TVP23A: variants seen among roughly 807,000 people sequenced by gnomAD.
TVP23A encodes the protein Golgi apparatus membrane protein TVP23 homolog A.
A neutral mutation model predicts 31.7 loss-of-function variants in TVP23A; 21 were observed. The observed-to-expected ratio is 0.66, with a 90% confidence interval of 0.47 to 0.95. The LOEUF (loss-of-function observed/expected upper bound fraction) is 0.95. TVP23A is among the 40% of genes least tolerant of loss of function. The pLI is 0.00. For synonymous variants in TVP23A, 104 were observed against 96.0 expected, an observed-to-expected ratio of 1.08 and a Z score of -0.49; for missense variants, 279 against 255.6, an observed-to-expected ratio of 1.09 and a Z score of -0.62.
chr16:10,761,891 C>G, downstream of TVP23A: 1 of 1,543,142 alleles, frequency 6.5e-7, no homozygotes, highest in Non-Finnish European at 8.9e-7. Flanking sequence ...CGGCACCTCA[C>G]TCCTCGGTCA....
At chr16:10,757,949 G>A (rs190932561), downstream of TVP23A, 70 of 1,614,094 alleles carry the variant, frequency 4.3e-5, no homozygotes, top group African/African-American at 3.5e-4. The surrounding 1 kb of genome is among the most constrained non-coding windows in gnomAD (Gnocchi z 4.1). Context: ...CACCTGGGAC[G>A]TCGGATGAAC....
At chr16:10,793,891 C>G (rs1412646111) in intron 2 of TVP23A, among the ~76,000 whole-genome samples, 1 of 120,754 alleles carries the variant, frequency 8.3e-6, no homozygotes. Flanking sequence ...AGAGTGAGAC[C>G]CTGTCTCACC....
In TVP23A at chr16:10,814,628, T is replaced by A. The variant is rs74007557; in HGVS notation, c.89+3475A>T. ...CACTGCCCTGAGCAAAATCCTTCCATGGTGACCGAACTCTGGAACTGCCCT... is the reference window on the plus strand; with the variant it reads ...CACTGCCCTGAGCAAAATCCTTCCAAGGTGACCGAACTCTGGAACTGCCCT... On this transcript the variant is annotated intron_variant, in intron 2 of 7. Transcript: ENST00000299866. Among the ~76,000 whole-genome samples, 1,204 of 151,328 alleles carry A rather than the reference T, an allele frequency of 8.0e-3. 21 individuals are homozygous for A. Among genetic ancestry groups the A allele is most frequent in the African/African-American group, 0.028 (1,157 of 40,612 alleles).
At chr16:10,804,878 T>C (rs1445051612) in intron 2 of TVP23A, among the ~76,000 whole-genome samples, 2 of 152,134 alleles carry the variant, frequency 1.3e-5, no homozygotes, top group Admixed American at 6.5e-5. Context: ...TTCATACTGT[T>C]GTCCCAAACA....
At chr16:10,764,012 C>T (rs1311601257), downstream of TVP23A, among the ~76,000 whole-genome samples, 1 of 151,976 alleles carries the variant, frequency 6.6e-6, no homozygotes, top group Non-Finnish European at 1.5e-5. Flanking sequence ...GCATCTCAGC[C>T]CACAGGAGTA....
intron 2 of TVP23A, among the ~76,000 whole-genome samples, chr16:10,795,780 A>T (rs2033355938): frequency 6.6e-6 from 1 of 152,120 alleles, no homozygotes; most frequent in South Asian, 2.1e-4. Context: ...CCGCCCTGTC[A>T]CAATCCCTGA....
At chr16:10,797,081 C>T (rs945645266) in intron 2 of TVP23A, among the ~76,000 whole-genome samples, 2 of 150,190 alleles carry the variant, frequency 1.3e-5, no homozygotes, top group Admixed American at 6.6e-5. Flanking sequence ...CTCAGCTACT[C>T]AGGAGGCTAA....
chr16:10,815,614 G>A (rs917538172), intron 2 of TVP23A, among the ~76,000 whole-genome samples: 16 of 152,222 alleles, frequency 1.1e-4, no homozygotes, highest in Admixed American at 2.0e-4. Flanking sequence ...AACATCCCAC[G>A]GTGCACAGGA....
downstream of TVP23A, among the ~76,000 whole-genome samples, chr16:10,759,925 C>T (rs570765191): frequency 3.3e-4 from 51 of 152,332 alleles, no homozygotes; most frequent in African/African-American, 1.2e-3. This position sits in a 1 kb window ranked among gnomAD's most constrained non-coding sequence, Gnocchi z 4.7. Flanking sequence ...CTTTCGGGCT[C>T]ACGTGAGTGG....
intron 2 of TVP23A, among the ~76,000 whole-genome samples, chr16:10,778,786 T>C (rs1281421751): frequency 6.6e-6 from 1 of 151,978 alleles, no homozygotes; most frequent in African/African-American, 2.4e-5. Context: ...GCCAACATGG[T>C]GAAACCCTAT....
chr16:10,769,187 G>T, intron 7 of TVP23A, 86 bp from the exon 8 acceptor site: 1 of 1,267,652 alleles, frequency 7.9e-7, no homozygotes, highest in Non-Finnish European at 1.1e-6. Flanking sequence ...GACCAGCTCC[G>T]GGATGGGGTG....
At chr16:10,786,063 T>G (rs1265860002) in intron 2 of TVP23A, among the ~76,000 whole-genome samples, 1 of 152,214 alleles carries the variant, frequency 6.6e-6, no homozygotes, top group Non-Finnish European at 1.5e-5. Context: ...CTTTTAAGTT[T>G]CTGATGAGTG....
chr16:10,784,560 C>A (rs1310057586), intron 2 of TVP23A, among the ~76,000 whole-genome samples: 13 of 140,250 alleles, frequency 9.3e-5, no homozygotes, highest in African/African-American at 3.1e-4. Context: ...GACCTTGTCT[C>A]AAAAAAAATA....
chr16:10,809,609 G>C (rs2034103018), intron 2 of TVP23A, among the ~76,000 whole-genome samples: 1 of 152,224 alleles, frequency 6.6e-6, no homozygotes, highest in African/African-American at 2.4e-5. Flanking sequence ...AGCTGAAGAT[G>C]CCCTACCTCT....
At chr16:10,800,008 C>CT (rs76396691) in intron 2 of TVP23A, among the ~76,000 whole-genome samples, 1,787 of 57,372 alleles carry the variant, frequency 0.031, 47 homozygotes, top group African/African-American at 0.072. Context: ...GAGTGGGGTT[C>CT]TTTTTTTTTT....
chr16:10,757,919 C>G, downstream of TVP23A: 1 of 1,614,114 alleles, frequency 6.2e-7, no homozygotes, highest in Non-Finnish European at 8.5e-7. This position sits in a 1 kb window ranked among gnomAD's most constrained non-coding sequence, Gnocchi z 4.1. Context: ...GAGAGGTCGA[C>G]TACCTCATTG....
At chr16:10,805,671 A>G (rs1018147538) in intron 2 of TVP23A, among the ~76,000 whole-genome samples, 1 of 151,090 alleles carries the variant, frequency 6.6e-6, no homozygotes, top group African/African-American at 2.4e-5. Flanking sequence ...TTTTTATCAC[A>G]TTCCGCTTTA....
At position 10,768,099 on chromosome 16, in the gene TVP23A, G is replaced by A. The variant is rs1027451632; in HGVS notation, c.*1003C>T. On this transcript the variant is annotated 3_prime_UTR_variant, in exon 8 of 8. Coordinates refer to ENST00000299866, the MANE Select transcript of TVP23A (RefSeq NM_001079512.4). The surrounding 1 kb of genome is among the most constrained non-coding windows in gnomAD (Gnocchi z 4.3). Reference sequence around the variant, plus strand: ...CAGGAAGCAACATAAAGGAGCCAGGGGTGTGGAAGGACAGGTGGGTGGTGG... The same window carrying A: ...CAGGAAGCAACATAAAGGAGCCAGGAGTGTGGAAGGACAGGTGGGTGGTGG... 2 of 1,479,146 alleles carry A rather than the reference G, an allele frequency of 1.4e-6. No individual in the cohort carries two copies. The highest frequency in any genetic ancestry group is 2.8e-5 in the African/African-American group (2 of 72,118). 91.6% of individuals were successfully genotyped at this position (1,479,146 alleles called of 1,614,324 possible).
At chr16:10,807,343 A>C (rs2033993730) in intron 2 of TVP23A, among the ~76,000 whole-genome samples, 1 of 152,148 alleles carries the variant, frequency 6.6e-6, no homozygotes, top group South Asian at 2.1e-4. Flanking sequence ...CTTGCCCCCC[A>C]CACCTCCGGC....
Sources: allele counts gnomAD v4.1 joint callset (sites outside exome capture counted in the v4.1 genomes callset), GRCh38; gene constraint gnomAD v4.1.1; non-coding constraint Gnocchi (gnomAD v3.1); transcripts MANE v1.5; gene names NCBI Gene and HGNC (gene_info 2026-07-23, HGNC 2026-07-21).